GADL1: variants seen among roughly 807,000 people sequenced by gnomAD.
GADL1 encodes the protein acidic amino acid decarboxylase GADL1.
Under a neutral mutation model 69.5 loss-of-function variants are expected in GADL1, and 71 were observed. That is an observed-to-expected ratio of 1.02 (90% CI 0.84 to 1.25). The LOEUF is 1.25. Ranked by LOEUF, GADL1 falls within the 50% of genes most tolerant of loss-of-function variation. The pLI is 0.00. For missense variants in GADL1, 737 were observed against 631.8 expected (o/e 1.17, Z -1.79); for synonymous variants, 254 against 214.4 (o/e 1.18, Z -1.62).
chr3:30,776,490 C>T (rs1275586077), intron 14 of GADL1, among the ~76,000 whole-genome samples: 1 of 152,164 alleles, frequency 6.6e-6, no homozygotes, highest in Non-Finnish European at 1.5e-5. Flanking sequence ...GACAAATCCC[C>T]AAAGTCTATG....
At chr3:30,837,436 G>T (rs999015143) in intron 9 of GADL1, among the ~76,000 whole-genome samples, 1 of 152,010 alleles carries the variant, frequency 6.6e-6, no homozygotes, top group Non-Finnish European at 1.5e-5. Flanking sequence ...TGCACAAATA[G>T]GATAATTTGG....
At chr3:30,843,622 G>A (rs1377140474) in intron 8 of GADL1, among the ~76,000 whole-genome samples, 1 of 152,218 alleles carries the variant, frequency 6.6e-6, no homozygotes, top group African/African-American at 2.4e-5. Context: ...CAGGTGCCCA[G>A]AGCCATGCCT....
chr3:30,750,613 T>C (rs973733705), intron 14 of GADL1, among the ~76,000 whole-genome samples: 2 of 149,826 alleles, frequency 1.3e-5, no homozygotes, highest in African/African-American at 2.5e-5. Context: ...TGTATAAAAA[T>C]TTCCGTCTAT....
intron 1 of GADL1, among the ~76,000 whole-genome samples, chr3:30,892,903 T>G (rs1698803254): frequency 6.6e-6 from 1 of 152,248 alleles, no homozygotes; most frequent in African/African-American, 2.4e-5. Context: ...TCACCTAGGC[T>G]GGAGTACAGT....
intron 14 of GADL1, among the ~76,000 whole-genome samples, chr3:30,757,308 T>TA (rs1425114813): frequency 1.3e-5 from 2 of 152,092 alleles, no homozygotes; most frequent in Non-Finnish European, 2.9e-5. Flanking sequence ...GCCTGACATT[T>TA]AAAAATCAGC....
At chr3:30,784,375 G>C (rs1696743016) in intron 13 of GADL1, among the ~76,000 whole-genome samples, 1 of 146,572 alleles carries the variant, frequency 6.8e-6, no homozygotes, top group Admixed American at 6.6e-5. Flanking sequence ...CACATCACCG[G>C]CCTGTTGAAA....
chr3:30,889,001 A>C (rs969661324), intron 1 of GADL1, among the ~76,000 whole-genome samples: 1 of 150,336 alleles, frequency 6.7e-6, no homozygotes, highest in African/African-American at 2.4e-5. Context: ...CTCTATTCGC[A>C]AATGTTAATT....
intron 11 of GADL1, among the ~76,000 whole-genome samples, chr3:30,831,879 G>A (rs954377246): frequency 4.6e-5 from 7 of 151,882 alleles, no homozygotes; most frequent in African/African-American, 1.4e-4. Flanking sequence ...ACATTTGTTA[G>A]TGCACTTATC....
intron 14 of GADL1, among the ~76,000 whole-genome samples, chr3:30,771,623 A>G (rs1453290447): frequency 1.5e-5 from 2 of 137,684 alleles, no homozygotes; most frequent in Non-Finnish European, 3.0e-5. Context: ...TGAAGGATAT[A>G]CTATAAATTC....
intron 8 of GADL1, among the ~76,000 whole-genome samples, chr3:30,841,737 G>C (rs984884726): frequency 6.6e-6 from 1 of 152,132 alleles, no homozygotes; most frequent in African/African-American, 2.4e-5. Flanking sequence ...AAACCACTAA[G>C]TGAGAAGCTG....
chr3:30,813,034 T>C (rs1004437889), intron 11 of GADL1, among the ~76,000 whole-genome samples: 4 of 151,996 alleles, frequency 2.6e-5, no homozygotes, highest in Non-Finnish European at 5.9e-5. Flanking sequence ...ACACACTCCA[T>C]GAGAAGGCAC....
In GADL1 at chr3:30,857,129, T is replaced by C; in HGVS notation, c.223A>G (p.Arg75Gly). ...TDVNEKVCEW[R>G]PPEQLKQLLD... is the part of the protein sequence containing the mutation. ...AGCTGTTTCAGTTGTTCAGGAGGCC[T>C]CCATTCACACACCTGGAGATTCAAC... Residue 75 changes from arginine to glycine, a missense_variant, in exon 3 of 15, where the codon AGG becomes GGG. Transcript: ENST00000282538. The C allele has an allele frequency of 6.5e-7, 1 of 1,550,102 alleles. No homozygotes were observed. The highest frequency in any genetic ancestry group is 8.7e-7 in the Non-Finnish European group (1 of 1,145,798).
At chr3:30,812,158 A>G (rs910941649) in intron 11 of GADL1, among the ~76,000 whole-genome samples, 2 of 152,326 alleles carry the variant, frequency 1.3e-5, no homozygotes, top group Non-Finnish European at 2.9e-5. Flanking sequence ...GTGCAACCCA[A>G]AGAGAATGTG....
At chr3:30,779,011 C>A (rs1291880098) in intron 13 of GADL1, 1 of 151,438 alleles carries the variant, frequency 6.6e-6, no homozygotes, top group African/African-American at 2.4e-5. Flanking sequence ...CAGAAACTCT[C>A]ATCTACACTA....
intron 1 of GADL1, among the ~76,000 whole-genome samples, chr3:30,887,342 A>C (rs997925934): frequency 6.6e-6 from 1 of 152,196 alleles, no homozygotes; most frequent in African/African-American, 2.4e-5. Flanking sequence ...TGGATTGTGA[A>C]GCCTCTGGCT....
At chr3:30,841,971 A>C (rs558820160) in intron 8 of GADL1, among the ~76,000 whole-genome samples, 4 of 152,206 alleles carry the variant, frequency 2.6e-5, no homozygotes, top group African/African-American at 4.8e-5. Flanking sequence ...GGAGGTGAGC[A>C]CTTAGGGTCT....
intron 14 of GADL1, among the ~76,000 whole-genome samples, chr3:30,760,812 C>T (rs553628987): frequency 6.6e-5 from 10 of 151,994 alleles, no homozygotes; most frequent in Admixed American, 2.0e-4. Context: ...CAGGTGGGGG[C>T]AGGGTGATGA....
At chr3:30,781,323 T>C (rs1354966003) in intron 13 of GADL1, among the ~76,000 whole-genome samples, 2 of 152,226 alleles carry the variant, frequency 1.3e-5, no homozygotes, top group African/African-American at 4.8e-5. Flanking sequence ...GGGAAAGAAA[T>C]TAGTGGTCAC....
At chr3:30,857,499 A>G (rs867320585) in intron 2 of GADL1, among the ~76,000 whole-genome samples, 30 of 152,158 alleles carry the variant, frequency 2.0e-4, no homozygotes, top group Middle Eastern at 3.4e-3. Context: ...CCTATGGCAC[A>G]TCTGTAAAAT....
Sources: gnomAD v4.1 joint callset for allele counts (sites outside exome capture counted in the v4.1 genomes callset) on GRCh38, gnomAD v4.1.1 for gene constraint, MANE v1.5 for transcripts, NCBI Gene and HGNC (gene_info 2026-07-23, HGNC 2026-07-21) for gene names.